CACNA1D: variants seen among roughly 807,000 people sequenced by gnomAD.
CACNA1D encodes the protein voltage-dependent L-type calcium channel subunit alpha-1D.
CACNA1D carries 55 observed loss-of-function variants against 257.1 expected under a neutral mutation model. The observed-to-expected ratio is 0.21, with a 90% CI of 0.17 to 0.27. CACNA1D has a LOEUF of 0.27. CACNA1D is among the 10% of genes least tolerant of loss of function. The pLI is 1.00. For missense variants in CACNA1D, 1,876 were observed against 2,784.0 expected, an observed-to-expected ratio of 0.67 and a Z score of 7.34; for synonymous variants, 980 against 1,014.9, an observed-to-expected ratio of 0.97 and a Z score of 0.65.
intron 16 of CACNA1D, among the ~76,000 whole-genome samples, chr3:53,730,860 A>G (rs953213254): frequency 5.3e-5 from 8 of 152,248 alleles, no homozygotes; most frequent in African/African-American, 1.9e-4. Flanking sequence ...TAGCTCTCAG[A>G]TGAGAATTTT....
intron 3 of CACNA1D, among the ~76,000 whole-genome samples, chr3:53,529,627 A>G (rs2091881428): frequency 1.3e-5 from 2 of 152,188 alleles, no homozygotes; most frequent in South Asian, 4.1e-4. Context: ...GAATTATTTT[A>G]ATGATCAGCC....
chr3:53,548,621 G>T (rs762051598), intron 3 of CACNA1D, among the ~76,000 whole-genome samples: 2 of 151,946 alleles, frequency 1.3e-5, no homozygotes, highest in African/African-American at 2.4e-5. Context: ...GTCCCATCTG[G>T]ATCCCCCAAA....
chr3:53,559,191 C>T (rs6445587), intron 3 of CACNA1D, among the ~76,000 whole-genome samples: 12,538 of 152,102 alleles, frequency 0.082, 1,488 homozygotes, highest in African/African-American at 0.25. Flanking sequence ...TTTATTGTAT[C>T]TTTATTTTCA....
At position 53,776,558 on chromosome 3, in the gene CACNA1D, A is replaced by G. The variant is rs761299624; in HGVS notation, c.4363-45A>G. ...AAAGCCTGTGCTCAGTTCTAACGCAATCCAGCTGCAGCTGAAGTTCTTCCT... is the reference window on the plus strand; with the variant it reads ...AAAGCCTGTGCTCAGTTCTAACGCAGTCCAGCTGCAGCTGAAGTTCTTCCT... On this transcript the variant is annotated intron_variant, in intron 35 of 47. Coordinates refer to ENST00000350061, the MANE Select transcript of CACNA1D (RefSeq NM_001128840.3). 3.1e-6 allele frequency: 5 copies of G among 1,613,234 alleles called. No homozygotes were observed. The South Asian group carries it at 5.5e-5, about 18-fold the overall frequency.
chr3:53,569,602 T>A (rs2092908946), intron 3 of CACNA1D, among the ~76,000 whole-genome samples: 1 of 152,222 alleles, frequency 6.6e-6, no homozygotes, highest in African/African-American at 2.4e-5. Context: ...TAGGGTGCCC[T>A]AGCCTTTCAG....
chr3:53,562,042 G>A (rs1358264033), intron 3 of CACNA1D, among the ~76,000 whole-genome samples: 3 of 152,180 alleles, frequency 2.0e-5, no homozygotes, highest in Non-Finnish European at 4.4e-5. Context: ...ACATATCCTT[G>A]TACAAAGTAG....
intron 40 of CACNA1D, among the ~76,000 whole-genome samples, chr3:53,792,940 T>G (rs1022862305): frequency 1.3e-5 from 2 of 152,200 alleles, no homozygotes; most frequent in African/African-American, 4.8e-5. Flanking sequence ...ACAGTAGGTG[T>G]TGTGGGTTCT....
intron 28 of CACNA1D, 95 bp from the exon 29 acceptor site, chr3:53,753,477 G>A: frequency 1.2e-6 from 1 of 852,128 alleles, no homozygotes; most frequent in Admixed American, 1.7e-5. Context: ...TGTGGAGGAT[G>A]CCCACAGGGG....
At chr3:53,675,976 G>T (rs2094372093) in intron 8 of CACNA1D, among the ~76,000 whole-genome samples, 1 of 152,194 alleles carries the variant, frequency 6.6e-6, no homozygotes, top group African/African-American at 2.4e-5. Flanking sequence ...AACCATGTCT[G>T]CAAAGCACAG....
At chr3:53,699,655 G>A (rs779924372) in intron 8 of CACNA1D, among the ~76,000 whole-genome samples, 43 of 152,194 alleles carry the variant, frequency 2.8e-4, no homozygotes, top group Admixed American at 1.0e-3. Flanking sequence ...GATTTCTACT[G>A]TATAAACCTC....
intron 3 of CACNA1D, among the ~76,000 whole-genome samples, chr3:53,549,015 T>G (rs1245761813): frequency 6.6e-6 from 1 of 152,172 alleles, no homozygotes; most frequent in African/African-American, 2.4e-5. Context: ...ACAGAAGAGT[T>G]AAAAAATAGA....
intron 3 of CACNA1D, among the ~76,000 whole-genome samples, chr3:53,599,097 G>A (rs770398643): frequency 2.0e-5 from 3 of 151,986 alleles, no homozygotes; most frequent in Non-Finnish European, 4.4e-5. Flanking sequence ...CCAATGAACG[G>A]AATCTTTCAC....
intron 3 of CACNA1D, among the ~76,000 whole-genome samples, chr3:53,584,573 C>A (rs183835003): frequency 1.3e-5 from 2 of 152,318 alleles, no homozygotes; most frequent in East Asian, 3.9e-4. Context: ...AGACAGGATG[C>A]AGAAGGAAGG....
chr3:53,754,037 C>T (rs761101785), intron 29 of CACNA1D, among the ~76,000 whole-genome samples: 20 of 152,330 alleles, frequency 1.3e-4, no homozygotes, highest in Admixed American at 3.9e-4. Flanking sequence ...AATGTTTGAA[C>T]ATAACCCATC....
At chr3:53,699,385 G>A (rs967031953) in intron 8 of CACNA1D, among the ~76,000 whole-genome samples, 10 of 152,168 alleles carry the variant, frequency 6.6e-5, no homozygotes, top group African/African-American at 2.4e-4. Flanking sequence ...TGAACTTCAC[G>A]TTGATACCAC....
intron 3 of CACNA1D, among the ~76,000 whole-genome samples, chr3:53,619,303 A>G (rs769181960): frequency 6.6e-6 from 1 of 152,212 alleles, no homozygotes; most frequent in African/African-American, 2.4e-5. Context: ...AAAATCCAGC[A>G]TTGGAATTAG....
Position 53,497,267 on chromosome 3 carries a change from A to G in CACNA1D, c.183A>G (p.Arg61=), listed in dbSNP as rs767957783. 1.9e-6 allele frequency: 3 copies of G among 1,614,078 alleles called. No homozygotes were observed. The highest frequency in any genetic ancestry group is 1.6e-4 in the Middle Eastern group (1 of 6,084). Residue 61 remains arginine, a synonymous_variant, in exon 2 of 48, where the codon AGA becomes AGG. Coordinates refer to ENST00000350061, the MANE Select transcript of CACNA1D (RefSeq NM_001128840.3). ...GGCAAGCTGCAATCGATGCTGCTAG[A>G]CAGGCCAAGGCTGCCCAAACTATGA... ...LSWQAAIDAA[R]QAKAAQTMST...
intron 8 of CACNA1D, among the ~76,000 whole-genome samples, chr3:53,675,130 C>A (rs753948778): frequency 6.6e-6 from 1 of 152,168 alleles, no homozygotes; most frequent in African/African-American, 2.4e-5. Context: ...ACAGGAAGTC[C>A]CTATGTAGAG....
At chr3:53,776,757 G>T (rs377607551) in intron 36 of CACNA1D, 27 bp downstream of exon 36, 5 of 1,614,082 alleles carry the variant, frequency 3.1e-6, no homozygotes, top group African/African-American at 1.3e-5. Context: ...TTGATTTGGC[G>T]TGTGTGGGTG....
Sources: allele counts gnomAD v4.1 joint callset (sites outside exome capture counted in the v4.1 genomes callset), GRCh38; gene constraint gnomAD v4.1.1; transcripts MANE v1.5; gene names NCBI Gene and HGNC (gene_info 2026-07-23, HGNC 2026-07-21).